The following MCTP1 variants were observed in gnomAD, a reference collection of about 807,000 sequenced individuals.
MCTP1 encodes multiple C2 and transmembrane domain-containing protein 1.
In MCTP1, 69 loss-of-function variants were observed where a neutral mutation model predicts 120.6. The observed-to-expected ratio is 0.57, with a 90% CI of 0.47 to 0.70. The LOEUF (loss-of-function observed/expected upper bound fraction) is 0.70, where lower values mean the gene tolerates loss of function less well. Among genes scored for constraint, MCTP1 ranks in the 30% least tolerant of loss-of-function variants. MCTP1 has a pLI of 0.00. For synonymous variants in MCTP1, 529 were observed against 493.1 expected, an observed-to-expected ratio of 1.07 and a Z score of -0.96; for missense variants, 1,203 against 1,248.8, an observed-to-expected ratio of 0.96 and a Z score of 0.55.
At chr5:95,221,287 G>A (rs969773846) in intron 1 of MCTP1, among the ~76,000 whole-genome samples, 2 of 152,210 alleles carry the variant, frequency 1.3e-5, no homozygotes, top group Non-Finnish European at 2.9e-5. Context: ...CTGTAACTTC[G>A]AAAGAACACA....
intron 1 of MCTP1, among the ~76,000 whole-genome samples, chr5:95,255,584 G>A (rs910916417): frequency 6.6e-6 from 1 of 152,128 alleles, no homozygotes; most frequent in Non-Finnish European, 1.5e-5. Flanking sequence ...GAAGGTTACA[G>A]GTACTGAAGC....
At chr5:95,062,889 C>T (rs1199511689) in intron 1 of MCTP1, among the ~76,000 whole-genome samples, 1 of 152,058 alleles carries the variant, frequency 6.6e-6, no homozygotes. Context: ...ATGATCATAG[C>T]TCACTGCAGC....
At chr5:94,779,714 A>T (rs1646093255) in intron 18 of MCTP1, among the ~76,000 whole-genome samples, 2 of 152,152 alleles carry the variant, frequency 1.3e-5, no homozygotes, top group African/African-American at 2.4e-5. Flanking sequence ...TTTGTGGATT[A>T]CCCAAAACTC....
intron 1 of MCTP1, among the ~76,000 whole-genome samples, chr5:95,147,081 TTTTA>T (rs1041814318): frequency 9.9e-5 from 15 of 151,876 alleles, no homozygotes; most frequent in South Asian, 4.2e-4. Flanking sequence ...ATTTATTTTA[TTTTA>T]TTTATTTATT....
At chr5:94,992,466 A>T (rs1174011829) in intron 2 of MCTP1, among the ~76,000 whole-genome samples, 1 of 152,196 alleles carries the variant, frequency 6.6e-6, no homozygotes, top group African/African-American at 2.4e-5. Flanking sequence ...TTCTGGTCTG[A>T]CACCAGACCT....
intron 2 of MCTP1, among the ~76,000 whole-genome samples, chr5:94,963,628 G>A (rs1386207450): frequency 6.6e-6 from 1 of 151,432 alleles, no homozygotes; most frequent in East Asian, 1.9e-4. Context: ...TCTCTATTTT[G>A]GTCCTTTGCC....
At chr5:94,713,523 A>G (rs988505462) in intron 20 of MCTP1, among the ~76,000 whole-genome samples, 1 of 152,132 alleles carries the variant, frequency 6.6e-6, no homozygotes, top group African/African-American at 2.4e-5. Flanking sequence ...CACACTGTGT[A>G]CCCCAGATAA....
chr5:95,160,772 C>A (rs1223076987), intron 1 of MCTP1, among the ~76,000 whole-genome samples: 1 of 151,828 alleles, frequency 6.6e-6, no homozygotes, highest in African/African-American at 2.4e-5. Flanking sequence ...AACAAATAAC[C>A]TAATCAAATA....
At chr5:95,280,326 C>T (rs558099597) in intron 1 of MCTP1, among the ~76,000 whole-genome samples, 2 of 152,110 alleles carry the variant, frequency 1.3e-5, no homozygotes, top group Admixed American at 1.3e-4. Flanking sequence ...ATAGTTTATC[C>T]TTTGTGAAAG....
rs946023188 is a variant in MCTP1 at position 95,216,664 on chromosome 5, C to G, written c.720+67192G>C. Among the ~76,000 whole-genome samples the G allele has an allele frequency of 3.9e-5, 6 of 152,130 alleles. No individual in the cohort carries two copies. In the South Asian group the frequency reaches 1.2e-3, roughly 32 times the overall value. On this transcript the variant is annotated intron_variant, in intron 1 of 22. Transcript: ENST00000515393. ...CTATGGCAAGAGACATAAGGTCACA[C>G]AAACTGAGAAGTGAAATGGCAAAAT...
At chr5:95,007,028 T>A (rs1283376477) in intron 2 of MCTP1, among the ~76,000 whole-genome samples, 1 of 152,124 alleles carries the variant, frequency 6.6e-6, no homozygotes, top group African/African-American at 2.4e-5. Flanking sequence ...TGTAATTGAC[T>A]CATAGTTCCG....
At chr5:95,231,632 G>C (rs894765085) in intron 1 of MCTP1, among the ~76,000 whole-genome samples, 1 of 152,194 alleles carries the variant, frequency 6.6e-6, no homozygotes, top group Non-Finnish European at 1.5e-5. Context: ...GGTAATATCA[G>C]ATGGAAGTAC....
intron 2 of MCTP1, among the ~76,000 whole-genome samples, chr5:95,005,538 T>C (rs955975175): frequency 7.2e-5 from 11 of 152,108 alleles, no homozygotes; most frequent in African/African-American, 2.7e-4. Context: ...GACTGAATCA[T>C]GGGGGCAGAC....
Position 95,284,691 on chromosome 5 carries a change from C to T in MCTP1, c.-116G>A, listed in dbSNP as rs1292787423. 4.6e-6 allele frequency: 4 copies of T among 876,512 alleles called. No homozygotes were observed. Among genetic ancestry groups the T allele is most frequent in the Non-Finnish European group, 6.4e-6 (4 of 624,280 alleles). The allele number at this position is 876,512 out of a possible 1,614,324, so 54.3% of individuals were successfully genotyped here. A position where few individuals can be genotyped will look rare whatever the true frequency, so the allele number is the denominator to read the frequency against. On this transcript the variant is annotated 5_prime_UTR_variant, in exon 1 of 23. Coordinates refer to ENST00000515393, the MANE Select transcript of MCTP1 (RefSeq NM_024717.7). The surrounding 1 kb of genome is among the most constrained non-coding windows in gnomAD (Gnocchi z 5.2). ...GCGGCGCTGGCGGTGGCGGCGGCGG[C>T]GGCGGCGGGCGCAGCAGCAGAAACC...
At chr5:94,903,993 A>T (rs901385466) in intron 10 of MCTP1, among the ~76,000 whole-genome samples, 2 of 152,210 alleles carry the variant, frequency 1.3e-5, no homozygotes, top group Non-Finnish European at 1.5e-5. Flanking sequence ...ATGGGGATTT[A>T]TTAGCTGATT....
In MCTP1 at chr5:95,023,396, G is replaced by C. The variant is rs112864344; in HGVS notation, c.721-5912C>G. The stretch of plus-strand genomic sequence containing the variant: ...CTGACCAGTGGTAACAAAAACAAAA[G>C]ATGGATTTGAGAGTTTGAAGAGATT... On this transcript the variant is annotated intron_variant, in intron 1 of 22. Transcript: ENST00000515393. Among the ~76,000 whole-genome samples, 439 of 152,344 alleles carry C rather than the reference G, an allele frequency of 2.9e-3. 1 individual carries two copies. The highest frequency in any genetic ancestry group is 0.01 in the African/African-American group (423 of 41,582).
intron 1 of MCTP1, among the ~76,000 whole-genome samples, chr5:95,082,572 T>C (rs531285408): frequency 1.3e-5 from 2 of 152,282 alleles, no homozygotes; most frequent in African/African-American, 2.4e-5. Flanking sequence ...GAAGCATATA[T>C]GTAATTTAAA....
chr5:95,229,932 C>G (rs1754727818), intron 1 of MCTP1, among the ~76,000 whole-genome samples: 1 of 152,074 alleles, frequency 6.6e-6, no homozygotes, highest in African/African-American at 2.4e-5. Context: ...TCTTCCTGCT[C>G]TCTTCCCACA....
intron 1 of MCTP1, among the ~76,000 whole-genome samples, chr5:95,273,280 T>A (rs117708326): frequency 6.6e-6 from 1 of 152,262 alleles, no homozygotes. Context: ...CAGGAATGGA[T>A]AGAATATCAT....
Sources: allele counts gnomAD v4.1 joint callset (sites outside exome capture counted in the v4.1 genomes callset), GRCh38; gene constraint gnomAD v4.1.1; non-coding constraint Gnocchi (gnomAD v3.1); transcripts MANE v1.5; gene names NCBI Gene and HGNC (gene_info 2026-07-23, HGNC 2026-07-21).